Variants in CRPPA observed in about 807,000 individuals in gnomAD.
CRPPA encodes CDP-L-ribitol pyrophosphorylase A, also known as D-ribitol-5-phosphate cytidylyltransferase.
CRPPA carries 43 observed loss-of-function variants against 52.0 expected under a neutral mutation model. The observed-to-expected ratio is 0.83, with a 90% CI of 0.65 to 1.07. The LOEUF is 1.07. Among genes scored for constraint, CRPPA ranks in the 50% least tolerant of loss-of-function variants. The pLI is 0.00. For synonymous variants in CRPPA, 250 were observed against 203.5 expected (o/e 1.23, Z -1.94); for missense variants, 629 against 551.7 (o/e 1.14, Z -1.40).
At chr7:16,240,595 A>ACACACACACACATT (rs1783077740) in intron 8 of CRPPA, among the ~76,000 whole-genome samples, 2 of 151,850 alleles carry the variant, frequency 1.3e-5, no homozygotes, top group African/African-American at 2.4e-5. Flanking sequence ...ACACACACAC[A>ACACACACACACATT]CACACATTCA....
chr7:16,198,737 A>C (rs1343847526), intron 9 of CRPPA, among the ~76,000 whole-genome samples: 3 of 140,974 alleles, frequency 2.1e-5, no homozygotes, highest in Admixed American at 6.9e-5. Flanking sequence ...TTTTTTTTTT[A>C]AGAAACGGTT....
At chr7:16,152,399 C>T (rs961049288) in intron 9 of CRPPA, among the ~76,000 whole-genome samples, 9 of 151,910 alleles carry the variant, frequency 5.9e-5, no homozygotes, top group African/African-American at 1.7e-4. Context: ...ATAACACACT[C>T]AAGAAAACGG....
At chr7:16,151,764 A>C (rs957788441) in intron 9 of CRPPA, among the ~76,000 whole-genome samples, 2 of 152,012 alleles carry the variant, frequency 1.3e-5, no homozygotes, top group Non-Finnish European at 2.9e-5. Flanking sequence ...AGATTATTTT[A>C]TAAGACTCTA....
At position 16,389,929 on chromosome 7, in the gene CRPPA, ATAT is replaced by A. The variant is rs1321774865; in HGVS notation, c.535-13691_535-13689del. Among the ~76,000 whole-genome samples, 221 of 38,058 alleles carry A rather than the reference ATAT, an allele frequency of 5.8e-3. 3 individuals are homozygous for A. The highest frequency in any genetic ancestry group is 0.026 in the African/African-American group (206 of 8,008). 25.0% of individuals were successfully genotyped at this position (38,058 alleles called of 152,430 possible). A position where few individuals can be genotyped will look rare whatever the true frequency, so the allele number is the denominator to read the frequency against. On this transcript the variant is annotated intron_variant, in intron 2 of 9. Coordinates refer to ENST00000407010, the MANE Select transcript of CRPPA (RefSeq NM_001101426.4). ...CCTAGTATACAAAAAAAAAAAAAAA[ATAT>A]ATATATATATATATATATATATATA...
chr7:16,386,632 G>A (rs1411612037), intron 2 of CRPPA, among the ~76,000 whole-genome samples: 1 of 152,104 alleles, frequency 6.6e-6, no homozygotes, highest in Non-Finnish European at 1.5e-5. Flanking sequence ...AAGGTGTACT[G>A]GATTAAGGAA....
rs537491412 is a variant in CRPPA at position 16,145,188 on chromosome 7, T to G, written c.1252-53389A>C. Among the ~76,000 whole-genome samples the G allele has an allele frequency of 1.6e-4, 25 of 152,300 alleles. No homozygotes were observed. In the South Asian group the frequency reaches 5.2e-3, roughly 32 times the overall value. The stretch of plus-strand genomic sequence containing the variant: ...AAGCAGTTCTACCTATTTAGGGACA[T>G]GCCCAGGCAGAAGCATGCTCACAAA... On this transcript the variant is annotated intron_variant, in intron 9 of 9. Coordinates refer to ENST00000407010, the MANE Select transcript of CRPPA (RefSeq NM_001101426.4).
intron 3 of CRPPA, among the ~76,000 whole-genome samples, chr7:16,328,590 C>G (rs1270444277): frequency 6.6e-6 from 1 of 152,158 alleles, no homozygotes; most frequent in African/African-American, 2.4e-5. Flanking sequence ...TCTTGGCTCA[C>G]TGCAACCTCC....
chr7:16,244,886 T>C (rs1342558281), intron 8 of CRPPA, among the ~76,000 whole-genome samples: 3 of 152,224 alleles, frequency 2.0e-5, no homozygotes, highest in Non-Finnish European at 4.4e-5. Context: ...TGGAATCACA[T>C]AACTCAAAAA....
rs141757362 is a variant in CRPPA at position 16,126,160 on chromosome 7, G to A, written c.1252-34361C>T. Among the ~76,000 whole-genome samples the A allele has an allele frequency of 6.4e-3, 980 of 152,124 alleles. 8 individuals are homozygous for A. The highest frequency in any genetic ancestry group is 0.022 in the African/African-American group (893 of 41,484). On this transcript the variant is annotated intron_variant, in intron 9 of 9. Coordinates refer to ENST00000407010, the MANE Select transcript of CRPPA (RefSeq NM_001101426.4). ...AGAAAAATATCCTGTGCCAGTCTTC[G>A]AAGTAAGTACCAATAAAGCTATATT...
chr7:16,240,615 T>A (rs137990067), intron 8 of CRPPA, among the ~76,000 whole-genome samples: 1 of 143,338 alleles, frequency 7.0e-6, no homozygotes, highest in African/African-American at 2.6e-5. Context: ...ACACACACAC[T>A]ATTCATTTAA....
chr7:16,158,973 G>A (rs1022137576), intron 9 of CRPPA, among the ~76,000 whole-genome samples: 1 of 152,060 alleles, frequency 6.6e-6, no homozygotes, highest in Non-Finnish European at 1.5e-5. Context: ...TACTTATTTT[G>A]CAATTGTCTA....
At chr7:16,256,425 A>G (rs183042455) in intron 8 of CRPPA, among the ~76,000 whole-genome samples, 1 of 152,306 alleles carries the variant, frequency 6.6e-6, no homozygotes, top group East Asian at 1.9e-4. Context: ...ATACACCCAA[A>G]GGATTATAAA....
chr7:16,392,135 G>A (rs1787462026), intron 2 of CRPPA, among the ~76,000 whole-genome samples: 1 of 152,018 alleles, frequency 6.6e-6, no homozygotes, highest in Admixed American at 6.6e-5. Context: ...ATTTTAACCA[G>A]GTATTTTATT....
At chr7:16,244,918 A>G (rs1458802119) in intron 8 of CRPPA, among the ~76,000 whole-genome samples, 1 of 152,210 alleles carries the variant, frequency 6.6e-6, no homozygotes, top group African/African-American at 2.4e-5. Flanking sequence ...ATATTTTTCT[A>G]TAACTTTGAT....
intron 9 of CRPPA, among the ~76,000 whole-genome samples, chr7:16,094,154 A>G (rs1393814844): frequency 6.6e-6 from 1 of 152,172 alleles, no homozygotes; most frequent in African/African-American, 2.4e-5. Context: ...TTTAAAGATT[A>G]ATTTACTTCT....
In CRPPA at chr7:16,259,133, A is replaced by G. The variant is rs565474383; in HGVS notation, c.934-121T>C. ...AAGCCAAGGACCATATATTTTTTAAAAAAATGAAACATGCTGAAGTTCATC... is the reference window on the plus strand; with the variant it reads ...AAGCCAAGGACCATATATTTTTTAAGAAAATGAAACATGCTGAAGTTCATC... On this transcript the variant is annotated intron_variant, in intron 6 of 9. Transcript: ENST00000407010. The G allele has an allele frequency of 1.2e-5, 6 of 480,868 alleles. No individual in the cohort carries two copies. In the African/African-American group the frequency reaches 3.9e-4, roughly 32 times the overall value. 29.8% of individuals were successfully genotyped at this position (480,868 alleles called of 1,614,324 possible).
At chr7:16,112,250 G>A (rs948695664) in intron 9 of CRPPA, among the ~76,000 whole-genome samples, 4 of 152,188 alleles carry the variant, frequency 2.6e-5, no homozygotes, top group Non-Finnish European at 4.4e-5. Context: ...GGGAGGCAGA[G>A]GTTGCAGTAA....
intron 3 of CRPPA, among the ~76,000 whole-genome samples, chr7:16,339,380 C>T (rs2526612): frequency 0.017 from 2,512 of 152,144 alleles, 55 homozygotes; most frequent in Middle Eastern, 0.034. Flanking sequence ...GTGTTTAAGG[C>T]TCATTTAACA....
At chr7:16,196,794 C>G (rs915474326) in intron 9 of CRPPA, among the ~76,000 whole-genome samples, 6 of 152,128 alleles carry the variant, frequency 3.9e-5, no homozygotes, top group Non-Finnish European at 8.8e-5. Context: ...AATAATCACT[C>G]TCAGTTTCAT....
Sources: allele counts gnomAD v4.1 joint callset (sites outside exome capture counted in the v4.1 genomes callset), GRCh38; gene constraint gnomAD v4.1.1; transcripts MANE v1.5; gene names NCBI Gene and HGNC (gene_info 2026-07-23, HGNC 2026-07-21).